Variants in MYO16 observed in about 807,000 individuals in gnomAD.
The protein encoded by MYO16 is myosin XVI.
In MYO16, 94 loss-of-function variants were observed where a neutral mutation model predicts 205.3. The observed-to-expected ratio is 0.46, with a 90% CI of 0.39 to 0.54. The LOEUF is 0.54. Ranked by LOEUF, MYO16 falls within the 20% of genes least tolerant of loss-of-function variation. The pLI is 0.00. For synonymous variants in MYO16, 988 were observed against 954.0 expected (o/e 1.04, Z -0.66); for missense variants, 2,315 against 2,387.5 (o/e 0.97, Z 0.63).
At chr13:108,756,689 C>T (rs1165445219) in intron 4 of MYO16, among the ~76,000 whole-genome samples, 3 of 149,784 alleles carry the variant, frequency 2.0e-5, no homozygotes, top group Non-Finnish European at 3.0e-5. Context: ...AAAAGCATTG[C>T]AAAATATAGA....
At chr13:108,575,621 C>T in the MYO16 span, among the ~76,000 whole-genome samples, 1 of 152,074 alleles carries the variant, frequency 6.6e-6, no homozygotes. Flanking sequence ...GAAATTTTCC[C>T]TCCCCTGCCA....
At chr13:108,767,177 A>G (rs899724926) in intron 4 of MYO16, among the ~76,000 whole-genome samples, 11 of 152,054 alleles carry the variant, frequency 7.2e-5, no homozygotes, top group Admixed American at 7.2e-4. Context: ...ATCTCGGCTC[A>G]CTGCAAGCTC....
At chr13:108,710,965 T>C (rs1334420514) in intron 2 of MYO16, among the ~76,000 whole-genome samples, 1 of 152,218 alleles carries the variant, frequency 6.6e-6, no homozygotes, top group East Asian at 1.9e-4. Context: ...GAGGAAACCA[T>C]TGGCAAATGT....
the MYO16 span, among the ~76,000 whole-genome samples, chr13:108,575,096 C>T: frequency 6.6e-6 from 1 of 152,166 alleles, no homozygotes. Flanking sequence ...TGTCACACCT[C>T]AAGTGTTCAT....
chr13:109,141,171 C>A lies in MYO16; in HGVS notation c.4959C>A (p.Ser1653=). ...CCCCCGTGGCCGGGCCCTGCAGCTC[C>A]TTCCCCAAGATCCCATATTCCCCCG... ...NSAPVAGPCS[S]FPKIPYSPVK... The change falls in exon 32 of 35, where the codon TCC becomes TCA. Residue 1653 remains serine, a synonymous_variant. Transcript: ENST00000457511. This position sits in a 1 kb window ranked among gnomAD's most constrained non-coding sequence, Gnocchi z 4.1. 6.2e-7 allele frequency: 1 copy of A among 1,609,720 alleles called. No individual in the cohort carries two copies. Among genetic ancestry groups the A allele is most frequent in the Non-Finnish European group, 8.5e-7 (1 of 1,178,020 alleles).
At chr13:108,780,386 C>T (rs547028996) in intron 4 of MYO16, among the ~76,000 whole-genome samples, 1 of 148,020 alleles carries the variant, frequency 6.8e-6, no homozygotes, top group Admixed American at 6.7e-5. Context: ...GCCCAGTGAC[C>T]GACTCATTCA....
At chr13:108,647,367 T>C (rs1880800263) in intron 1 of MYO16, among the ~76,000 whole-genome samples, 1 of 152,300 alleles carries the variant, frequency 6.6e-6, no homozygotes, top group African/African-American at 2.4e-5. Context: ...TTTGATGGAC[T>C]CCACTATTTT....
At chr13:108,859,817 A>G (rs1039121981) in intron 11 of MYO16, among the ~76,000 whole-genome samples, 4 of 152,118 alleles carry the variant, frequency 2.6e-5, no homozygotes, top group Admixed American at 2.6e-4. Context: ...CATAAAAAAA[A>G]CCCCACAAAG....
intron 27 of MYO16, among the ~76,000 whole-genome samples, chr13:109,080,817 C>T (rs1418713702): frequency 6.6e-6 from 1 of 152,128 alleles, no homozygotes; most frequent in Admixed American, 6.5e-5. Flanking sequence ...CATATATTAT[C>T]TCAAGAGTTT....
At chr13:108,840,355 T>C (rs892642829) in intron 9 of MYO16, among the ~76,000 whole-genome samples, 3 of 152,170 alleles carry the variant, frequency 2.0e-5, no homozygotes, top group African/African-American at 7.2e-5. Flanking sequence ...CTAGGTTCTA[T>C]GGTTCAGTTG....
At chr13:108,897,772 G>A (rs540951088) in intron 14 of MYO16, among the ~76,000 whole-genome samples, 2 of 152,264 alleles carry the variant, frequency 1.3e-5, no homozygotes, top group East Asian at 3.9e-4. Context: ...ATGTGCAGGA[G>A]AGTGCAGTGT....
rs573744589 is a variant in MYO16 at position 109,085,982 on chromosome 13, A to G, written c.3336-14803A>G. 3.9e-5 allele frequency among the ~76,000 whole-genome samples: 6 copies of G among 152,334 alleles called. No individual in the cohort carries two copies. The South Asian group carries it at 1.2e-3, about 32-fold the overall frequency. On this transcript the variant is annotated intron_variant, in intron 27 of 34. Transcript: ENST00000457511. The stretch of plus-strand genomic sequence containing the variant: ...ATGCTTTGATAAAGTGGGGTGCCCA[A>G]AACTCCAGTCTCTGTTTGCAGCAGA...
intron 16 of MYO16, among the ~76,000 whole-genome samples, chr13:108,922,693 G>T (rs1881802126): frequency 6.6e-6 from 1 of 152,220 alleles, no homozygotes; most frequent in Non-Finnish European, 1.5e-5. Context: ...TTTTGGAGTT[G>T]ATGACATATT....
At chr13:108,792,619 C>T (rs1397177230) in intron 5 of MYO16, among the ~76,000 whole-genome samples, 1 of 149,230 alleles carries the variant, frequency 6.7e-6, no homozygotes, top group Non-Finnish European at 1.5e-5. Context: ...TCAAGCAATT[C>T]TTCTGCCTCA....
At chr13:108,991,322 A>G (rs1323928086) in intron 20 of MYO16, among the ~76,000 whole-genome samples, 1 of 152,098 alleles carries the variant, frequency 6.6e-6, no homozygotes. Context: ...TGAGATTTTT[A>G]TCATCTGTAA....
the MYO16 span, among the ~76,000 whole-genome samples, chr13:108,528,357 A>G: frequency 3.3e-5 from 5 of 152,146 alleles, no homozygotes; most frequent in Admixed American, 2.6e-4. Context: ...CTGTGAGGAT[A>G]GAATTTGGGA....
intron 3 of MYO16, among the ~76,000 whole-genome samples, chr13:108,721,320 C>A (rs1350234129): frequency 6.6e-6 from 1 of 152,154 alleles, no homozygotes; most frequent in Admixed American, 6.5e-5. Context: ...GTATTGTAGT[C>A]ATAGATTGGG....
chr13:108,923,801 G>A (rs979364374), intron 16 of MYO16, among the ~76,000 whole-genome samples: 1 of 151,940 alleles, frequency 6.6e-6, no homozygotes, highest in Admixed American at 6.5e-5. Context: ...GCCACACCGT[G>A]ACTTCATAGT....
intron 4 of MYO16, among the ~76,000 whole-genome samples, chr13:108,784,451 G>A (rs948507948): frequency 2.0e-5 from 3 of 151,976 alleles, no homozygotes; most frequent in Admixed American, 1.3e-4. Context: ...CTTATCTTGG[G>A]GGAAAATGTT....
Sources: allele counts gnomAD v4.1 joint callset (sites outside exome capture counted in the v4.1 genomes callset), GRCh38; gene constraint gnomAD v4.1.1; non-coding constraint Gnocchi (gnomAD v3.1); transcripts MANE v1.5; gene names NCBI Gene and HGNC (gene_info 2026-07-23, HGNC 2026-07-21).